The following EFCAB6 variants were observed in gnomAD, a reference collection of about 807,000 sequenced individuals.
EFCAB6 encodes EF-hand calcium-binding domain-containing protein 6.
A neutral mutation model predicts 169.8 loss-of-function variants in EFCAB6; 156 were observed. That is an observed-to-expected ratio of 0.92 (90% CI 0.81 to 1.05). The LOEUF (loss-of-function observed/expected upper bound fraction) is 1.05. EFCAB6 is among the 50% of genes least tolerant of loss of function. The pLI is 0.00. For missense variants in EFCAB6, 1,800 were observed against 1,829.1 expected (o/e 0.98, Z 0.29); for synonymous variants, 698 against 676.4 (o/e 1.03, Z -0.50).
chr22:43,703,964 G>A (rs2058857818), intron 10 of EFCAB6, among the ~76,000 whole-genome samples: 2 of 152,048 alleles, frequency 1.3e-5, no homozygotes, highest in Admixed American at 1.3e-4. Flanking sequence ...AATAATGACT[G>A]AAAACTTCCC....
At chr22:43,718,432 G>T (rs995006989) in intron 8 of EFCAB6, among the ~76,000 whole-genome samples, 1 of 151,994 alleles carries the variant, frequency 6.6e-6, no homozygotes, top group African/African-American at 2.4e-5. Context: ...AAAAGAGAAA[G>T]GGGAGAAAAA....
intron 13 of EFCAB6, 70 bp from the exon 14 acceptor site, chr22:43,672,375 T>C: frequency 6.5e-7 from 1 of 1,526,930 alleles, no homozygotes; most frequent in Non-Finnish European, 9.0e-7. Context: ...TGGAGGCAGG[T>C]GGACCTGGAC....
intron 17 of EFCAB6, among the ~76,000 whole-genome samples, chr22:43,657,641 GA>G (rs886107345): frequency 6.6e-6 from 1 of 151,890 alleles, no homozygotes; most frequent in African/African-American, 2.4e-5. Flanking sequence ...ATACACCAGA[GA>G]AATAAAGGCT....
At position 43,629,784 on chromosome 22, in the gene EFCAB6, G is replaced by A. The variant is rs1308919528; in HGVS notation, c.2232+2321C>T. ...CAGAATGTGCAAACGCTTAGAGGCA[G>A]GAAAGGGTGAGGGGGTGAGGGGTCT... On this transcript the variant is annotated intron_variant, in intron 19 of 31. Coordinates refer to ENST00000262726, the MANE Select transcript of EFCAB6 (RefSeq NM_022785.4). 2.6e-5 allele frequency among the ~76,000 whole-genome samples: 4 copies of A among 152,272 alleles called. No homozygotes were observed. The East Asian group carries it at 7.8e-4, about 30-fold the overall frequency.
At chr22:43,673,823 G>A (rs577150676) in intron 13 of EFCAB6, among the ~76,000 whole-genome samples, 4 of 151,982 alleles carry the variant, frequency 2.6e-5, no homozygotes, top group East Asian at 1.9e-4. Flanking sequence ...TTTTATTGAC[G>A]TTAAGTGTTA....
chr22:43,635,031 G>A (rs1383410075), intron 18 of EFCAB6, 71 bp downstream of exon 18: 5 of 1,244,296 alleles, frequency 4.0e-6, no homozygotes, highest in Non-Finnish European at 5.9e-6. Context: ...TGGCCTGGTG[G>A]CACTGCTAGC....
chr22:43,628,446 G>A lies in EFCAB6; in HGVS notation c.2233-1767C>T, dbSNP rs886822547. On this transcript the variant is annotated intron_variant, in intron 19 of 31. Coordinates refer to ENST00000262726, the MANE Select transcript of EFCAB6 (RefSeq NM_022785.4). This position sits in a 1 kb window ranked among gnomAD's most constrained non-coding sequence, Gnocchi z 4.8. Reference sequence around the variant, plus strand: ...GTGATGGCTCCCAGCTGCCATCGTCGGCTCCGTGGCCTCTGCTCTGTGCAA... The same window carrying A: ...GTGATGGCTCCCAGCTGCCATCGTCAGCTCCGTGGCCTCTGCTCTGTGCAA... 3.3e-5 allele frequency among the ~76,000 whole-genome samples: 5 copies of A among 152,048 alleles called. No individual in the cohort carries two copies. The highest frequency in any genetic ancestry group is 2.0e-4 in the Admixed American group (3 of 15,270).
chr22:43,534,706 G>C lies in EFCAB6; in HGVS notation c.4215C>G (p.Ile1405Met). 6.2e-7 allele frequency: 1 copy of C among 1,608,536 alleles called. No individual in the cohort carries two copies. Among genetic ancestry groups the C allele is most frequent in the Non-Finnish European group, 8.5e-7 (1 of 1,177,892 alleles). The change falls in exon 30 of 32, where the codon ATC becomes ATG. Residue 1405 changes from isoleucine to methionine, a missense_variant. Transcript: ENST00000262726. ...KESSLMHRMKIQNAHKMKEAG... is the reference protein window; with the variant it reads ...KESSLMHRMKMQNAHKMKEAG... ...AACATACCATCTTGTGTGCATTCTG[G>C]ATCTTCATCCTGTGCATCAGTGAGC...
At chr22:43,747,892 T>C (rs1309343487) in intron 6 of EFCAB6, among the ~76,000 whole-genome samples, 1 of 152,214 alleles carries the variant, frequency 6.6e-6, no homozygotes, top group Non-Finnish European at 1.5e-5. Context: ...GAGCAACTTG[T>C]ATCACTTTAT....
chr22:43,700,592 C>A (rs985169116), intron 10 of EFCAB6, among the ~76,000 whole-genome samples: 1 of 152,196 alleles, frequency 6.6e-6, no homozygotes, highest in Non-Finnish European at 1.5e-5. Context: ...AATGACAGAA[C>A]GGTCCCCTCG....
At chr22:43,804,825 TC>T (rs1358085439) in intron 2 of EFCAB6, among the ~76,000 whole-genome samples, 1 of 148,674 alleles carries the variant, frequency 6.7e-6, no homozygotes, top group African/African-American at 2.5e-5. Context: ...ATACAGAGAA[TC>T]AATGAAACAT....
intron 8 of EFCAB6, among the ~76,000 whole-genome samples, chr22:43,730,705 T>G (rs985986039): frequency 5.9e-5 from 9 of 152,218 alleles, no homozygotes; most frequent in African/African-American, 2.2e-4. Context: ...GATTGTTTAC[T>G]TCCATCTCTT....
intron 30 of EFCAB6, 34 bp from the exon 31 acceptor site, chr22:43,530,998 C>CT: frequency 1.2e-6 from 2 of 1,612,594 alleles, no homozygotes; most frequent in Non-Finnish European, 8.5e-7. Flanking sequence ...GAGGAGGGAG[C>CT]TTTTGAACAC....
rs545711884 is a variant in EFCAB6 at position 43,706,242 on chromosome 22, G to A, written c.1031+5233C>T. ...AACATACCACGTGGGGCAGTCCTTG[G>A]AGCCAGGGGCCTGCTCCTGGGAGGC... On this transcript the variant is annotated intron_variant, in intron 10 of 31. Coordinates refer to ENST00000262726, the MANE Select transcript of EFCAB6 (RefSeq NM_022785.4). Among the ~76,000 whole-genome samples, 9 of 152,328 alleles carry A rather than the reference G, an allele frequency of 5.9e-5. No individual in the cohort carries two copies. In the South Asian group the frequency reaches 1.9e-3, roughly 32 times the overall value.
At chr22:43,655,701 A>G (rs1277070558) in intron 17 of EFCAB6, among the ~76,000 whole-genome samples, 1 of 152,220 alleles carries the variant, frequency 6.6e-6, no homozygotes, top group East Asian at 1.9e-4. Flanking sequence ...GAAGACTCAG[A>G]CTATCAGACT....
intron 21 of EFCAB6, among the ~76,000 whole-genome samples, chr22:43,614,176 G>GAAAAAAAAAAAA (rs1569248978): frequency 1.3e-3 from 12 of 8,894 alleles, no homozygotes; most frequent in Admixed American, 3.3e-3. Flanking sequence ...ACACAATACT[G>GAAAAAAAAAAAA]CAAAAAAAAA....
chr22:43,554,849 G>T lies in EFCAB6; in HGVS notation c.3648+20C>A, dbSNP rs1038274687. Reference sequence around the variant, plus strand: ...CTCAGCCAACGGTGTGCAGGGTGAGGACTGACTGGCGTTTCTTACCTGTTC... The same window carrying T: ...CTCAGCCAACGGTGTGCAGGGTGAGTACTGACTGGCGTTTCTTACCTGTTC... On this transcript the variant is annotated intron_variant, in intron 27 of 31. Coordinates refer to ENST00000262726, the MANE Select transcript of EFCAB6 (RefSeq NM_022785.4). 3 of 1,609,796 alleles carry T rather than the reference G, an allele frequency of 1.9e-6. No homozygotes were observed. The highest frequency in any genetic ancestry group is 2.6e-6 in the Non-Finnish European group (3 of 1,176,090).
At chr22:43,687,693 A>G in intron 10 of EFCAB6, 112 bp from the exon 11 acceptor site, 1 of 576,468 alleles carries the variant, frequency 1.7e-6, no homozygotes, top group Non-Finnish European at 3.0e-6. Context: ...ATTTATATGA[A>G]GTTTCAAATC....
chr22:43,613,204 T>C (rs912818010), intron 21 of EFCAB6, among the ~76,000 whole-genome samples: 20 of 148,096 alleles, frequency 1.4e-4, no homozygotes, highest in Non-Finnish European at 2.5e-4. Context: ...AATATATTTG[T>C]TATAGAAATA....
Sources: allele counts gnomAD v4.1 joint callset (sites outside exome capture counted in the v4.1 genomes callset), GRCh38; gene constraint gnomAD v4.1.1; non-coding constraint Gnocchi (gnomAD v3.1); transcripts MANE v1.5; gene names NCBI Gene and HGNC (gene_info 2026-07-23, HGNC 2026-07-21).